The following LIN7A variants were observed in gnomAD, a reference collection of about 807,000 sequenced individuals.
LIN7A encodes protein lin-7 homolog A.
A neutral mutation model predicts 29.8 loss-of-function variants in LIN7A; 25 were observed. That is an observed-to-expected ratio of 0.84 (90% CI 0.61 to 1.17). The LOEUF (loss-of-function observed/expected upper bound fraction) is 1.17. Among genes scored for constraint, LIN7A ranks in the 50% most tolerant of loss-of-function variants. LIN7A has a pLI of 0.00. For missense variants in LIN7A, 239 were observed against 287.0 expected (o/e 0.83, Z 1.21); for synonymous variants, 118 against 107.5 (o/e 1.10, Z -0.60).
At chr12:80,882,661 A>G (rs1875121890) in intron 2 of LIN7A, among the ~76,000 whole-genome samples, 1 of 152,182 alleles carries the variant, frequency 6.6e-6, no homozygotes, top group South Asian at 2.1e-4. Context: ...TCAGAATAAT[A>G]GTCAATGACA....
chr12:80,926,822 G>C (rs1877605713), intron 1 of LIN7A, among the ~76,000 whole-genome samples: 1 of 151,140 alleles, frequency 6.6e-6, no homozygotes, highest in Non-Finnish European at 1.5e-5. Flanking sequence ...CCACCTATTC[G>C]GGAGGCTGAG....
At chr12:80,862,022 AC>A (rs1873906034) in intron 2 of LIN7A, among the ~76,000 whole-genome samples, 1 of 152,228 alleles carries the variant, frequency 6.6e-6, no homozygotes, top group African/African-American at 2.4e-5. Flanking sequence ...TCATTTGAAG[AC>A]TTTTAAGATA....
chr12:80,863,000 C>G (rs969878750), intron 2 of LIN7A, among the ~76,000 whole-genome samples: 1 of 152,298 alleles, frequency 6.6e-6, no homozygotes, highest in African/African-American at 2.4e-5. Flanking sequence ...CTCATGTGTT[C>G]TGTTACATTC....
chr12:80,928,793 C>T (rs1877738784), intron 1 of LIN7A, among the ~76,000 whole-genome samples: 1 of 152,132 alleles, frequency 6.6e-6, no homozygotes, highest in African/African-American at 2.4e-5. Flanking sequence ...AATGGTATTG[C>T]CTAGGTTTTC....
chr12:80,859,490 A>G (rs1873761392), intron 2 of LIN7A, among the ~76,000 whole-genome samples: 1 of 152,190 alleles, frequency 6.6e-6, no homozygotes, highest in African/African-American at 2.4e-5. Flanking sequence ...CTTTGTCAGA[A>G]GAAGCTTTGT....
intron 4 of LIN7A, among the ~76,000 whole-genome samples, chr12:80,815,075 T>G (rs984540223): frequency 2.0e-5 from 3 of 151,836 alleles, no homozygotes; most frequent in African/African-American, 7.3e-5. Flanking sequence ...ACTTTGCTTT[T>G]TAATTGTTTT....
At chr12:80,839,619 C>T (rs549368359) in intron 4 of LIN7A, among the ~76,000 whole-genome samples, 55 of 152,212 alleles carry the variant, frequency 3.6e-4, no homozygotes, top group African/African-American at 9.6e-4. Flanking sequence ...CTCTTTGTTC[C>T]GACACAGATA....
chr12:80,809,291 CACAA>C (rs1245968956), intron 5 of LIN7A, among the ~76,000 whole-genome samples: 1 of 152,192 alleles, frequency 6.6e-6, no homozygotes, highest in Non-Finnish European at 1.5e-5. Flanking sequence ...TCACAAGTGT[CACAA>C]ACAATTAAAA....
intron 4 of LIN7A, among the ~76,000 whole-genome samples, chr12:80,834,579 G>A (rs1390661849): frequency 6.6e-5 from 10 of 152,156 alleles, no homozygotes; most frequent in Admixed American, 6.6e-4. Context: ...TATTGAAACA[G>A]CCCATACCTC....
At chr12:80,871,455 C>T (rs1261065232) in intron 2 of LIN7A, among the ~76,000 whole-genome samples, 2 of 151,988 alleles carry the variant, frequency 1.3e-5, no homozygotes, top group African/African-American at 2.4e-5. Flanking sequence ...GCTTTTAAAT[C>T]CAATTAAATA....
chr12:80,929,471 A>T (rs1257324626), intron 1 of LIN7A, among the ~76,000 whole-genome samples: 1 of 152,226 alleles, frequency 6.6e-6, no homozygotes, highest in East Asian at 1.9e-4. Flanking sequence ...AACAGTGCCA[A>T]ACAAGACCAT....
chr12:80,876,299 T>C (rs1874700470), intron 2 of LIN7A, among the ~76,000 whole-genome samples: 1 of 152,120 alleles, frequency 6.6e-6, no homozygotes, highest in Non-Finnish European at 1.5e-5. Flanking sequence ...GTGGAGACTA[T>C]GATGGATAGT....
intron 4 of LIN7A, among the ~76,000 whole-genome samples, chr12:80,820,006 TA>T (rs1485459391): frequency 1.3e-5 from 2 of 152,200 alleles, no homozygotes; most frequent in African/African-American, 4.8e-5. Flanking sequence ...GAAGAATGTT[TA>T]AAACTATCTA....
At chr12:80,884,365 G>A (rs947293151) in intron 2 of LIN7A, among the ~76,000 whole-genome samples, 14 of 152,140 alleles carry the variant, frequency 9.2e-5, no homozygotes, top group African/African-American at 3.4e-4. Flanking sequence ...TGGAGATTTA[G>A]AGTAACAAAG....
chr12:80,813,013 A>C (rs944572113), intron 4 of LIN7A, among the ~76,000 whole-genome samples: 5 of 152,058 alleles, frequency 3.3e-5, no homozygotes, highest in Non-Finnish European at 5.9e-5. Context: ...ATAAATATAC[A>C]GATATATTTT....
chr12:80,869,493 G>C (rs2120482235), intron 2 of LIN7A, among the ~76,000 whole-genome samples: 1 of 152,188 alleles, frequency 6.6e-6, no homozygotes, highest in Middle Eastern at 3.4e-3. Context: ...CCACAGGAGA[G>C]GCTTGGCAAA....
chr12:80,915,687 C>T (rs1224755786), intron 1 of LIN7A, among the ~76,000 whole-genome samples: 2 of 152,204 alleles, frequency 1.3e-5, no homozygotes, highest in Admixed American at 6.5e-5. Context: ...GAACACTATG[C>T]AGCCATAAAA....
chr12:80,871,459 TTAAA>T (rs1202769430), intron 2 of LIN7A, among the ~76,000 whole-genome samples: 1 of 152,148 alleles, frequency 6.6e-6, no homozygotes, highest in East Asian at 1.9e-4. Flanking sequence ...TTAAATCCAA[TTAAA>T]TAGTTTTATA....
At chr12:80,904,257 CT>C (rs1298937085) in intron 1 of LIN7A, among the ~76,000 whole-genome samples, 2 of 152,120 alleles carry the variant, frequency 1.3e-5, no homozygotes, top group Non-Finnish European at 2.9e-5. Flanking sequence ...AATGGCCAAA[CT>C]GTGCCAATCC....
Sources: gnomAD v4.1 joint callset for allele counts (sites outside exome capture counted in the v4.1 genomes callset) on GRCh38, gnomAD v4.1.1 for gene constraint, MANE v1.5 for transcripts, NCBI Gene and HGNC (gene_info 2026-07-23, HGNC 2026-07-21) for gene names.